The following SLC44A5 variants were observed in gnomAD, a reference collection of about 807,000 sequenced individuals.
SLC44A5 encodes the protein solute carrier family 44 member 5, also known as choline transporter-like protein 5.
In SLC44A5, 57 loss-of-function variants were observed where a neutral mutation model predicts 101.8. The observed-to-expected ratio is 0.56, with a 90% confidence interval of 0.45 to 0.70. The LOEUF (loss-of-function observed/expected upper bound fraction) is 0.70, where lower values mean the gene tolerates loss of function less well. Ranked by LOEUF, SLC44A5 falls within the 30% of genes least tolerant of loss-of-function variation. The probability of loss-of-function intolerance (pLI) is 0.00; values close to 1 mark genes in which losing one functional copy is unlikely to be tolerated. For synonymous variants in SLC44A5, 281 were observed against 290.9 expected, an observed-to-expected ratio of 0.97 and a Z score of 0.35; for missense variants, 737 against 853.1, an observed-to-expected ratio of 0.86 and a Z score of 1.70.
At chr1:75,643,634 T>TCCCATGC in the SLC44A5 span, among the ~76,000 whole-genome samples, 27 of 152,202 alleles carry the variant, frequency 1.8e-4, no homozygotes, top group African/African-American at 6.5e-4. Context: ...GGCAGGTTTT[T>TCCCATGC]CCCATGCTGT....
chr1:75,366,565 G>C (rs998530909), intron 3 of SLC44A5, among the ~76,000 whole-genome samples: 1 of 152,048 alleles, frequency 6.6e-6, no homozygotes, highest in Admixed American at 6.6e-5. Flanking sequence ...GTCCCATATT[G>C]CTGTCAAGAT....
At chr1:75,673,521 G>C in the SLC44A5 span, among the ~76,000 whole-genome samples, 3 of 152,294 alleles carry the variant, frequency 2.0e-5, no homozygotes, top group East Asian at 3.9e-4. Flanking sequence ...ACACAAGCCT[G>C]ACTAGATTCT....
At chr1:75,571,466 G>T (rs2102037760) in intron 1 of SLC44A5, among the ~76,000 whole-genome samples, 1 of 152,102 alleles carries the variant, frequency 6.6e-6, no homozygotes, top group Admixed American at 6.5e-5. Flanking sequence ...TTTTTACTTT[G>T]CCATGCTGTG....
At chr1:75,339,817 T>C (rs1178532947) in intron 3 of SLC44A5, among the ~76,000 whole-genome samples, 187 bp from the exon 4 acceptor site, 1 of 152,196 alleles carries the variant, frequency 6.6e-6, no homozygotes, top group Non-Finnish European at 1.5e-5. Flanking sequence ...ATCTCCAGCT[T>C]AGAAGGAGGA....
chr1:75,634,087 G>A, the SLC44A5 span, among the ~76,000 whole-genome samples: 5 of 152,140 alleles, frequency 3.3e-5, no homozygotes, highest in Non-Finnish European at 7.4e-5. Flanking sequence ...GATCATGGTG[G>A]ATAAGCTTTT....
rs1033079799 is a variant in SLC44A5, at chr1:75,519,199, C to T, written c.13+22236G>A. 2.0e-5 allele frequency among the ~76,000 whole-genome samples: 3 copies of T among 152,002 alleles called. 1 individual carries two copies. Among genetic ancestry groups the T allele is most frequent in the Non-Finnish European group, 1.5e-5 (1 of 68,026 alleles). On this transcript the variant is annotated intron_variant, in intron 2 of 23. Coordinates refer to ENST00000370859, the MANE Select transcript of SLC44A5 (RefSeq NM_001130058.2). ...AGACAAGTTTCGCACAAAGTGTGAGCGCTTTCAGGAGAGATATTTCTTAGT... is the reference window on the plus strand; with the variant it reads ...AGACAAGTTTCGCACAAAGTGTGAGTGCTTTCAGGAGAGATATTTCTTAGT...
chr1:75,344,588 C>T (rs763603964), intron 3 of SLC44A5, among the ~76,000 whole-genome samples: 1 of 151,994 alleles, frequency 6.6e-6, no homozygotes, highest in South Asian at 2.1e-4. Flanking sequence ...GGAAATGTGA[C>T]AACAGAAACA....
At chr1:75,555,271 G>A (rs1242347102) in intron 1 of SLC44A5, among the ~76,000 whole-genome samples, 2 of 152,040 alleles carry the variant, frequency 1.3e-5, no homozygotes, top group African/African-American at 4.8e-5. Flanking sequence ...TGAAAAACTC[G>A]TTAGTGCAAG....
chr1:75,478,897 G>A (rs1667619909), intron 2 of SLC44A5, among the ~76,000 whole-genome samples: 1 of 152,058 alleles, frequency 6.6e-6, no homozygotes, highest in African/African-American at 2.4e-5. Flanking sequence ...TGCACCAAGA[G>A]GACCTAATAG....
the SLC44A5 span, among the ~76,000 whole-genome samples, chr1:75,683,546 T>A: frequency 6.6e-6 from 1 of 151,804 alleles, no homozygotes; most frequent in African/African-American, 2.4e-5. Flanking sequence ...CATAGGTGGG[T>A]ATTGAAAAAT....
the SLC44A5 span, among the ~76,000 whole-genome samples, chr1:75,626,304 A>G: frequency 3.9e-5 from 6 of 152,176 alleles, no homozygotes; most frequent in Admixed American, 3.9e-4. Flanking sequence ...TTCATAAGAA[A>G]CAAGAAGTAG....
intron 9 of SLC44A5, among the ~76,000 whole-genome samples, chr1:75,239,610 C>T (rs1191194288): frequency 6.6e-6 from 1 of 152,030 alleles, no homozygotes; most frequent in Non-Finnish European, 1.5e-5. Context: ...CCTGCCCCAC[C>T]TTTCTACTGC....
chr1:75,253,755 C>T (rs1649775727), intron 6 of SLC44A5, among the ~76,000 whole-genome samples: 1 of 152,126 alleles, frequency 6.6e-6, no homozygotes, highest in Non-Finnish European at 1.5e-5. Context: ...AAACTGCAAA[C>T]TGCTATGTAA....
intron 2 of SLC44A5, among the ~76,000 whole-genome samples, chr1:75,452,066 T>G (rs527473704): frequency 6.6e-6 from 1 of 152,194 alleles, no homozygotes; most frequent in South Asian, 2.1e-4. Context: ...TAAGATACTA[T>G]ACAAAACAAA....
At chr1:75,565,552 C>T (rs906842234) in intron 1 of SLC44A5, among the ~76,000 whole-genome samples, 2 of 152,182 alleles carry the variant, frequency 1.3e-5, no homozygotes, top group Non-Finnish European at 2.9e-5. Flanking sequence ...CTTGGCAGAA[C>T]TATTCTTCTA....
intron 3 of SLC44A5, among the ~76,000 whole-genome samples, chr1:75,394,908 G>A (rs544762603): frequency 3.3e-5 from 5 of 152,064 alleles, no homozygotes; most frequent in African/African-American, 1.2e-4. Context: ...CTGCTGAGAT[G>A]CACTTTTAGT....
rs573704970 is a variant in SLC44A5, at chr1:75,561,411, T to C, written c.-69-19895A>G. On this transcript the variant is annotated intron_variant, in intron 1 of 23. Coordinates refer to ENST00000370859, the MANE Select transcript of SLC44A5 (RefSeq NM_001130058.2). ...TGGCATACTTTACATGCATTTGTCATTTTACTTTTATTATTGTCTGTCTCT... is the reference window on the plus strand; with the variant it reads ...TGGCATACTTTACATGCATTTGTCACTTTACTTTTATTATTGTCTGTCTCT... 2.6e-5 allele frequency among the ~76,000 whole-genome samples: 4 copies of C among 152,272 alleles called. No homozygotes were observed. The East Asian group carries it at 7.7e-4, about 29-fold the overall frequency.
intron 2 of SLC44A5, among the ~76,000 whole-genome samples, chr1:75,413,668 A>T (rs1261941907): frequency 6.6e-6 from 1 of 152,042 alleles, no homozygotes; most frequent in African/African-American, 2.4e-5. Context: ...TACCATAGAC[A>T]CTCTCTGCAT....
At chr1:75,509,366 C>T (rs1386037961) in intron 2 of SLC44A5, among the ~76,000 whole-genome samples, 1 of 152,126 alleles carries the variant, frequency 6.6e-6, no homozygotes, top group Non-Finnish European at 1.5e-5. Flanking sequence ...TTAGTTGGGA[C>T]AAACACTCAT....
Sources: allele counts gnomAD v4.1 joint callset (sites outside exome capture counted in the v4.1 genomes callset), GRCh38; gene constraint gnomAD v4.1.1; transcripts MANE v1.5; gene names NCBI Gene and HGNC (gene_info 2026-07-23, HGNC 2026-07-21).